Variants in PDCD5 observed in about 807,000 individuals in gnomAD.
The protein encoded by PDCD5 is programmed cell death protein 5.
Under a neutral mutation model 21.9 loss-of-function variants are expected in PDCD5, and 23 were observed. The ratio of observed to expected loss-of-function variants is 1.05; its 90% CI spans 0.76 to 1.49. The LOEUF (loss-of-function observed/expected upper bound fraction) is 1.49, where lower values mean the gene tolerates loss of function less well. PDCD5 is among the 40% of genes most tolerant of loss of function. PDCD5 has a pLI of 0.00. For synonymous variants in PDCD5, 45 were observed against 49.4 expected (o/e 0.91, Z 0.37); for missense variants, 152 against 147.7 (o/e 1.03, Z -0.15).
intron 1 of PDCD5, among the ~76,000 whole-genome samples, 179 bp from the exon 2 acceptor site, chr19:32,582,016 T>C (rs985030434): frequency 2.6e-5 from 4 of 152,196 alleles, no homozygotes; most frequent in Admixed American, 1.3e-4. Flanking sequence ...TTTTAGACGT[T>C]CATCAAAACG....
At chr19:32,581,428 G>C (rs967441391) in intron 1 of PDCD5, 101 bp downstream of exon 1, 1 of 722,354 alleles carries the variant, frequency 1.4e-6, no homozygotes. Context: ...GCGCCTCCCC[G>C]GGGCCCCGGT....
chr19:32,581,738 C>T (rs1971428343), intron 1 of PDCD5: 1 of 208,298 alleles, frequency 4.8e-6, no homozygotes, highest in Non-Finnish European at 9.4e-6. Context: ...GCTGAGAGCG[C>T]GGCAGGGTCG....
At chr19:32,586,626 G>A (rs1599723502) in intron 4 of PDCD5, 3 of 1,248,880 alleles carry the variant, frequency 2.4e-6, no homozygotes, top group East Asian at 3.5e-5. Flanking sequence ...TCCTGAGGAA[G>A]CAATTTTATG....
intron 2 of PDCD5, among the ~76,000 whole-genome samples, chr19:32,582,971 G>A (rs1436035479): frequency 6.6e-6 from 1 of 152,190 alleles, no homozygotes; most frequent in Non-Finnish European, 1.5e-5. Flanking sequence ...GTGATAGGAA[G>A]TAAAACGACG....
chr19:32,585,152 A>T, intron 3 of PDCD5, 141 bp downstream of exon 3: 2 of 692,462 alleles, frequency 2.9e-6, no homozygotes. Flanking sequence ...TGAAGTTTAT[A>T]AACCTAGAGA....
At position 32,587,319 on chromosome 19, in the gene PDCD5, CTA is replaced by C. The variant is rs778528987; in HGVS notation, c.*20_*21del. The stretch of plus-strand genomic sequence containing the variant: ...TTATTGAACTACAAGTGCTCACAGA[CTA>C]GAACTTAACGGAACAAGTCTAGGAC... On this transcript the variant is annotated 3_prime_UTR_variant, in exon 6 of 6. Coordinates refer to ENST00000590247, the MANE Select transcript of PDCD5 (RefSeq NM_004708.4). The C allele has an allele frequency of 1.9e-6, 3 of 1,568,416 alleles. No individual in the cohort carries two copies. In the East Asian group the frequency reaches 6.7e-5, roughly 35 times the overall value.
intron 5 of PDCD5, 117 bp downstream of exon 5, chr19:32,587,046 A>G (rs1293669338): frequency 9.9e-7 from 1 of 1,014,472 alleles, no homozygotes; most frequent in African/African-American, 1.6e-5. Flanking sequence ...TTTGTCAAAC[A>G]CGTGAAAGTT....
At chr19:32,584,331 A>T (rs1971456406) in intron 2 of PDCD5, among the ~76,000 whole-genome samples, 1 of 152,252 alleles carries the variant, frequency 6.6e-6, no homozygotes, top group Non-Finnish European at 1.5e-5. Context: ...GATTTCTTAA[A>T]GGATTTCATT....
Position 32,581,208 on chromosome 19 carries a change from C to T in PDCD5, c.-54C>T. 4 of 1,350,480 alleles carry T rather than the reference C, an allele frequency of 3.0e-6. No homozygotes were observed. The South Asian group carries it at 4.3e-5, about 15-fold the overall frequency. 83.7% of individuals were successfully genotyped at this position (1,350,480 alleles called of 1,614,324 possible). A position where few individuals can be genotyped will look rare whatever the true frequency, so the allele number is the denominator to read the frequency against. ...CCTGCGCAGTGGTCAAGGCCGCGCT[C>T]GCGCCGAGGGGCTGCGAGAGTGACC... On this transcript the variant is annotated 5_prime_UTR_variant, in exon 1 of 6. Coordinates refer to ENST00000590247, the MANE Select transcript of PDCD5 (RefSeq NM_004708.4).
chr19:32,586,947 C>T lies in PDCD5; in HGVS notation c.330+18C>T. 4 of 1,574,776 alleles carry T rather than the reference C, an allele frequency of 2.5e-6. No homozygotes were observed. Among genetic ancestry groups the T allele is most frequent in the Non-Finnish European group, 2.6e-6 (3 of 1,153,844 alleles). On this transcript the variant is annotated intron_variant, in intron 5 of 5. Coordinates refer to ENST00000590247, the MANE Select transcript of PDCD5 (RefSeq NM_004708.4). ...CAGTGAAAGTAAGTGTCCCCAGATG[C>T]TTGTGGCAAATGAAAAGATGGATAC... is the stretch of plus-strand genomic sequence containing the variant.
At position 32,583,223 on chromosome 19, in the gene PDCD5, C is replaced by A. The variant is rs559989532; in HGVS notation, c.104+991C>A. 2.0e-4 allele frequency among the ~76,000 whole-genome samples: 31 copies of A among 152,192 alleles called. No homozygotes were observed. The East Asian group carries it at 6.0e-3, about 29-fold the overall frequency. On this transcript the variant is annotated intron_variant, in intron 2 of 5. Coordinates refer to ENST00000590247, the MANE Select transcript of PDCD5 (RefSeq NM_004708.4). ...CAACCCTGTAAGACTGAACTTTTTT[C>A]TTCTTTACGTCAGGGCCAGGTGCAT...
At position 32,585,338 on chromosome 19, in the gene PDCD5, GC is replaced by G. The variant is rs201009098; in HGVS notation, c.166+328del. ...GGGACTGGGGATGGGGGACTTAGGG[GC>G]TTTTTATATGTATTGTCAGTTTTAG... is the stretch of plus-strand genomic sequence containing the variant. On this transcript the variant is annotated intron_variant, in intron 3 of 5. Transcript: ENST00000590247. 9.8e-3 allele frequency among the ~76,000 whole-genome samples: 1,497 copies of G among 152,154 alleles called. 18 individuals carry two copies. Among genetic ancestry groups the G allele is most frequent in the African/African-American group, 0.033 (1,387 of 41,512 alleles).
At chr19:32,586,106 G>A (rs540916731) in intron 4 of PDCD5, 199 bp downstream of exon 4, 79 of 1,526,370 alleles carry the variant, frequency 5.2e-5, no homozygotes, top group African/African-American at 3.2e-4. Context: ...CTTTCCTGGC[G>A]TTGCTCTGGA....
Position 32,584,962 on chromosome 19 carries a change from G to A in PDCD5, c.117G>A (p.Met39Ile), listed in dbSNP as rs145038000. The A allele has an allele frequency of 6.2e-7, 1 of 1,613,748 alleles. No individual in the cohort carries two copies. Among genetic ancestry groups the A allele is most frequent in the African/African-American group, 1.3e-5 (1 of 74,910 alleles). The change falls in exon 3 of 6, where the codon ATG (methionine) becomes ATA (isoleucine). Residue 39 changes from methionine (M) to isoleucine (I), a missense_variant. Coordinates refer to ENST00000590247, the MANE Select transcript of PDCD5 (RefSeq NM_004708.4). ...GTTTTCGTTGTAGGGAAGCAGAAAT[G>A]AGAAACAGTATCTTAGCCCAAGTTC... ...QQEAKHREAE[M>I]RNSILAQVLD...
At chr19:32,585,117 A>G in intron 3 of PDCD5, 106 bp downstream of exon 3, 1 of 854,100 alleles carries the variant, frequency 1.2e-6, no homozygotes, top group Non-Finnish European at 2.0e-6. Flanking sequence ...CTTAGGCTGA[A>G]AACACTTGAG....
chr19:32,584,965 A>C lies in PDCD5; in HGVS notation c.120A>C (p.Arg40Ser). Residue 40 changes from arginine (R) to serine (S), a missense_variant, in exon 3 of 6, where the codon AGA (arginine) becomes AGC (serine). Physicochemically the swap from Arg to Ser is moderately radical, Grantham distance 110 (BLOSUM62 -1). Coordinates refer to ENST00000590247, the MANE Select transcript of PDCD5 (RefSeq NM_004708.4). ...TTCGTTGTAGGGAAGCAGAAATGAG[A>C]AACAGTATCTTAGCCCAAGTTCTGG... ...QEAKHREAEM[R>S]NSILAQVLDQ... 1.2e-6 allele frequency: 2 copies of C among 1,613,868 alleles called. No individual in the cohort carries two copies. Among genetic ancestry groups the C allele is most frequent in the Non-Finnish European group, 1.7e-6 (2 of 1,179,730 alleles).
intron 4 of PDCD5, chr19:32,586,600 T>A: frequency 2.5e-6 from 3 of 1,214,244 alleles, no homozygotes; most frequent in Non-Finnish European, 3.1e-6. Flanking sequence ...TTCTTAAATA[T>A]GTTAGCTTTC....
At chr19:32,585,092 T>A in intron 3 of PDCD5, 81 bp downstream of exon 3, 1 of 979,450 alleles carries the variant, frequency 1.0e-6, no homozygotes, top group Non-Finnish European at 1.7e-6. Context: ...TTGCTATCAC[T>A]AGATGAAATA....
At chr19:32,581,571 T>G in intron 1 of PDCD5, 1 of 352,774 alleles carries the variant, frequency 2.8e-6, no homozygotes, top group Non-Finnish European at 5.1e-6. Flanking sequence ...GGGTGTGGGG[T>G]CCCCTAGCCT....
Sources: gnomAD v4.1 joint callset for allele counts (sites outside exome capture counted in the v4.1 genomes callset) on GRCh38, gnomAD v4.1.1 for gene constraint, MANE v1.5 for transcripts, NCBI Gene and HGNC (gene_info 2026-07-23, HGNC 2026-07-21) for gene names.